The following DDC variants were observed in gnomAD, a reference collection of about 807,000 sequenced individuals.
The protein encoded by DDC is dopa decarboxylase, also known as aromatic-L-amino-acid decarboxylase.
In DDC, 43 loss-of-function variants were observed where a neutral mutation model predicts 60.0. That is an observed-to-expected ratio of 0.72 (90% CI 0.56 to 0.92). The LOEUF (loss-of-function observed/expected upper bound fraction) is 0.92, where lower values mean the gene tolerates loss of function less well. DDC is among the 40% of genes least tolerant of loss of function. The pLI, the probability that DDC is intolerant of heterozygous loss-of-function variation, is 0.00. For missense variants in DDC, 573 were observed against 620.2 expected, an observed-to-expected ratio of 0.92 and a Z score of 0.81; for synonymous variants, 232 against 234.6, an observed-to-expected ratio of 0.99 and a Z score of 0.10.
chr7:50,510,754 G>A (rs920379410), intron 6 of DDC, among the ~76,000 whole-genome samples: 22 of 151,688 alleles, frequency 1.5e-4, no homozygotes, highest in Non-Finnish European at 2.9e-4. Flanking sequence ...GGCCAAGGCG[G>A]GCGGATCACG....
chr7:50,479,741 G>A (rs2153536201), intron 10 of DDC, 46 bp downstream of exon 10: 1 of 1,551,484 alleles, frequency 6.4e-7, no homozygotes, highest in Non-Finnish European at 8.9e-7. Context: ...AGCTCTGAGG[G>A]GAACAAGACC....
chr7:50,498,623 C>T (rs1466982928), intron 8 of DDC, among the ~76,000 whole-genome samples: 2 of 152,184 alleles, frequency 1.3e-5, no homozygotes, highest in Non-Finnish European at 1.5e-5. Context: ...ATTTTGATTG[C>T]TACTTCTCAA....
chr7:50,465,964 TCTC>T (rs2042386405), intron 13 of DDC, among the ~76,000 whole-genome samples: 1 of 152,080 alleles, frequency 6.6e-6, no homozygotes. Context: ...AGGGCTCAAG[TCTC>T]CTCTCCTGCT....
chr7:50,464,348 G>C (rs2042348910), intron 13 of DDC, among the ~76,000 whole-genome samples: 1 of 152,182 alleles, frequency 6.6e-6, no homozygotes, highest in East Asian at 2.0e-4. Context: ...AAATCCCCTG[G>C]CCTCTAGCTA....
chr7:50,553,545 G>A (rs572475565), intron 1 of DDC, among the ~76,000 whole-genome samples: 1 of 138,836 alleles, frequency 7.2e-6, no homozygotes, highest in African/African-American at 2.7e-5. Flanking sequence ...GGAATGCAGT[G>A]GAACGATCTT....
intron 9 of DDC, among the ~76,000 whole-genome samples, chr7:50,483,836 G>A (rs1016450939): frequency 4.6e-5 from 7 of 151,606 alleles, no homozygotes; most frequent in Admixed American, 1.3e-4. Flanking sequence ...CCTGGGAGGT[G>A]GAGCTTGCAG....
intron 6 of DDC, among the ~76,000 whole-genome samples, chr7:50,510,227 G>A (rs1340234160): frequency 2.0e-5 from 3 of 151,932 alleles, no homozygotes; most frequent in Non-Finnish European, 2.9e-5. Context: ...CGCCCACCTT[G>A]GCCTCCCAAA....
chr7:50,532,275 A>T (rs1303812860), intron 4 of DDC, among the ~76,000 whole-genome samples: 1 of 152,222 alleles, frequency 6.6e-6, no homozygotes, highest in Non-Finnish European at 1.5e-5. Flanking sequence ...ATCCAGAAAA[A>T]AACTGAGTGG....
At chr7:50,556,033 C>T (rs1418060754) in intron 1 of DDC, among the ~76,000 whole-genome samples, 2 of 152,200 alleles carry the variant, frequency 1.3e-5, no homozygotes, top group African/African-American at 4.8e-5. Flanking sequence ...TCCCGAATGC[C>T]TACTGAGGAC....
chr7:50,518,472 T>C (rs1340555952), intron 6 of DDC, among the ~76,000 whole-genome samples: 1 of 152,194 alleles, frequency 6.6e-6, no homozygotes, highest in Non-Finnish European at 1.5e-5. Context: ...GGCATCACAC[T>C]ACCTGATTTC....
At chr7:50,519,002 C>T (rs2043814705) in intron 6 of DDC, among the ~76,000 whole-genome samples, 1 of 152,184 alleles carries the variant, frequency 6.6e-6, no homozygotes, top group Non-Finnish European at 1.5e-5. Context: ...TGACAAAGGA[C>T]TAATATCTAG....
intron 11 of DDC, among the ~76,000 whole-genome samples, chr7:50,470,697 C>A (rs1370702448): frequency 6.6e-6 from 1 of 152,160 alleles, no homozygotes; most frequent in African/African-American, 2.4e-5. Context: ...ATGGAGTGAC[C>A]CCAAGACCCC....
At chr7:50,505,075 T>C (rs1394454947) in intron 6 of DDC, among the ~76,000 whole-genome samples, 1 of 152,212 alleles carries the variant, frequency 6.6e-6, no homozygotes, top group Non-Finnish European at 1.5e-5. Flanking sequence ...TGGGAGTCAC[T>C]GCGGCCTCTC....
At position 50,476,678 on chromosome 7, in the gene DDC, C is replaced by T. The variant is rs753629061; in HGVS notation, c.1022-35G>A. 5.1e-5 allele frequency: 82 copies of T among 1,596,480 alleles called. 1 individual carries two copies. The Admixed American group carries it at 6.8e-4, about 13-fold the overall frequency. On this transcript the variant is annotated intron_variant, in intron 10 of 14. Coordinates refer to ENST00000444124, the MANE Select transcript of DDC (RefSeq NM_001082971.2). ...AGAGAAAGAAAAAGAAAAAAGAAAT[C>T]GTTAGACAGGTTTGTTGATCACACG...
chr7:50,459,842 G>GC (rs1327558203), intron 14 of DDC, among the ~76,000 whole-genome samples: 7 of 145,414 alleles, frequency 4.8e-5, no homozygotes, highest in African/African-American at 7.9e-5. Context: ...GGGGGAATCA[G>GC]CCCCCGGCCC....
chr7:50,520,334 A>G (rs1339728182), intron 6 of DDC, among the ~76,000 whole-genome samples: 3 of 152,254 alleles, frequency 2.0e-5, no homozygotes, highest in African/African-American at 7.2e-5. Context: ...GTATGCTCTC[A>G]GACTGCATTG....
At chr7:50,504,202 G>A in intron 6 of DDC, 143 bp from the exon 7 acceptor site, 3 of 702,260 alleles carry the variant, frequency 4.3e-6, no homozygotes, top group Non-Finnish European at 7.9e-6. Flanking sequence ...GGAAACGTAA[G>A]CCCATGGATG....
intron 13 of DDC, among the ~76,000 whole-genome samples, chr7:50,466,754 T>A (rs373141359): frequency 1.3e-4 from 20 of 152,198 alleles, no homozygotes; most frequent in African/African-American, 4.8e-4. Flanking sequence ...GACTCCTGTG[T>A]GGGCATCTTG....
In DDC at chr7:50,564,498, A is replaced by G. The variant is rs559130766; in HGVS notation, c.-29+787T>C. Among the ~76,000 whole-genome samples the G allele has an allele frequency of 2.6e-5, 4 of 152,344 alleles. No homozygotes were observed. The South Asian group carries it at 8.3e-4, about 32-fold the overall frequency. ...AAGGCAAACCTTCTAGACAGAGCCC[A>G]ATGTAAACTGACCACTCAGAAGTAA... is the stretch of plus-strand genomic sequence containing the variant. On this transcript the variant is annotated intron_variant, in intron 1 of 14. Coordinates refer to ENST00000444124, the MANE Select transcript of DDC (RefSeq NM_001082971.2).
Sources: gnomAD v4.1 joint callset for allele counts (sites outside exome capture counted in the v4.1 genomes callset) on GRCh38, gnomAD v4.1.1 for gene constraint, MANE v1.5 for transcripts, NCBI Gene and HGNC (gene_info 2026-07-23, HGNC 2026-07-21) for gene names.